The following HYCC2 variants were observed in gnomAD, a reference collection of about 807,000 sequenced individuals.
HYCC2 encodes hyccin 2.
the HYCC2 span, among the ~76,000 whole-genome samples, chr2:201,067,675 T>C: frequency 1.3e-5 from 2 of 152,248 alleles, no homozygotes. Context: ...TGCCAACTTT[T>C]AGTATATATT....
chr2:201,062,954 G>A, the HYCC2 span: 95 of 986,336 alleles, frequency 9.6e-5, no homozygotes, highest in Non-Finnish European at 1.2e-4. Flanking sequence ...AACTACTACT[G>A]CTGCTGCTGC....
chr2:201,008,551 A>G, the HYCC2 span, among the ~76,000 whole-genome samples: 1 of 152,078 alleles, frequency 6.6e-6, no homozygotes, highest in Non-Finnish European at 1.5e-5. Flanking sequence ...CGTTGAGGCC[A>G]GGAGATCAAG....
the HYCC2 span, chr2:200,988,409 T>C: frequency 1.9e-6 from 3 of 1,611,938 alleles, no homozygotes; most frequent in South Asian, 1.1e-5. Context: ...GAGTTTTTCA[T>C]GGCATTGGCA....
At chr2:201,012,968 C>T in the HYCC2 span, among the ~76,000 whole-genome samples, 7 of 151,872 alleles carry the variant, frequency 4.6e-5, no homozygotes, top group Admixed American at 4.6e-4. Flanking sequence ...CACACACACA[C>T]ACACACACAC....
At chr2:201,056,005 G>A in the HYCC2 span, among the ~76,000 whole-genome samples, 5 of 152,074 alleles carry the variant, frequency 3.3e-5, no homozygotes, top group East Asian at 3.9e-4. Flanking sequence ...TGGCTAACAC[G>A]GTGAAACCCC....
chr2:201,014,345 TGAAAA>T, the HYCC2 span, among the ~76,000 whole-genome samples: 1 of 152,116 alleles, frequency 6.6e-6, no homozygotes, highest in African/African-American at 2.4e-5. Flanking sequence ...ATTTCCTACT[TGAAAA>T]GAAAAAACAA....
chr2:201,022,800 T>A, the HYCC2 span: 1 of 1,341,408 alleles, frequency 7.5e-7, no homozygotes, highest in African/African-American at 1.5e-5. Context: ...CATTTCACTA[T>A]GTAGAAATTA....
At chr2:201,017,158 C>T in the HYCC2 span, 5 of 1,612,308 alleles carry the variant, frequency 3.1e-6, no homozygotes, top group Admixed American at 6.7e-5. Context: ...TGATGGCAGA[C>T]AGGCTCCAGG....
the HYCC2 span, among the ~76,000 whole-genome samples, chr2:200,989,869 G>A: frequency 9.2e-5 from 14 of 152,036 alleles, no homozygotes; most frequent in Middle Eastern, 3.4e-3. Context: ...TTCTTACAAT[G>A]CTGCAAGTAG....
the HYCC2 span, among the ~76,000 whole-genome samples, chr2:201,034,970 C>T: frequency 3.3e-5 from 5 of 152,158 alleles, no homozygotes; most frequent in South Asian, 2.1e-4. Context: ...CTGAGAGATC[C>T]GCTGTTAGTC....
the HYCC2 span, among the ~76,000 whole-genome samples, chr2:201,035,754 T>C: frequency 6.6e-6 from 1 of 152,198 alleles, no homozygotes; most frequent in Non-Finnish European, 1.5e-5. Flanking sequence ...TGGTCTTTGA[T>C]GATGGTGACG....
chr2:201,032,700 C>T, the HYCC2 span, among the ~76,000 whole-genome samples: 1 of 152,120 alleles, frequency 6.6e-6, no homozygotes, highest in African/African-American at 2.4e-5. Flanking sequence ...TCTGTCACCT[C>T]AGCTGGACTG....
chr2:201,022,651 A>C, the HYCC2 span: 2 of 436,516 alleles, frequency 4.6e-6, no homozygotes, highest in African/African-American at 2.0e-5. Context: ...TGACCAAAAC[A>C]TTTCAAAATA....
the HYCC2 span, among the ~76,000 whole-genome samples, chr2:201,001,680 A>T: frequency 3.1e-3 from 462 of 148,162 alleles, 2 homozygotes; most frequent in Middle Eastern, 6.9e-3. Flanking sequence ...TTCTATTTTT[A>T]TTTTTTTTTT....
the HYCC2 span, among the ~76,000 whole-genome samples, chr2:201,032,814 G>T: frequency 6.6e-6 from 1 of 151,954 alleles, no homozygotes; most frequent in South Asian, 2.1e-4. Flanking sequence ...GTGCCACTAC[G>T]CCTGGCTAAT....
chr2:201,037,116 C>T, the HYCC2 span, among the ~76,000 whole-genome samples: 1 of 152,000 alleles, frequency 6.6e-6, no homozygotes, highest in Non-Finnish European at 1.5e-5. Flanking sequence ...ACAAACAGAG[C>T]CAAATCATGA....
the HYCC2 span, among the ~76,000 whole-genome samples, chr2:200,993,835 A>T: frequency 6.6e-6 from 1 of 151,952 alleles, no homozygotes; most frequent in Non-Finnish European, 1.5e-5. Flanking sequence ...CAAAAAAAAA[A>T]AATTAGCCGG....
the HYCC2 span, chr2:201,063,758 G>A: frequency 6.3e-7 from 1 of 1,588,470 alleles, no homozygotes; most frequent in Non-Finnish European, 8.5e-7. Flanking sequence ...AAACTTCAGT[G>A]GTCATGGTGG....
the HYCC2 span, chr2:201,062,990 C>T: frequency 2.1e-6 from 3 of 1,413,874 alleles, no homozygotes; most frequent in Admixed American, 1.8e-5. Flanking sequence ...TAGCAGCTAA[C>T]ATTTATTATG....
Sources: gnomAD v4.1 joint callset for allele counts (sites outside exome capture counted in the v4.1 genomes callset) on GRCh38, gnomAD v4.1.1 for gene constraint, MANE v1.5 for transcripts, NCBI Gene and HGNC (gene_info 2026-07-23, HGNC 2026-07-21) for gene names.